Variants in ZDHHC11 observed in about 807,000 individuals in gnomAD.
ZDHHC11 encodes the protein palmitoyltransferase ZDHHC11.
ZDHHC11 carries 44 observed loss-of-function variants against 51.3 expected under a neutral mutation model. The ratio of observed to expected loss-of-function variants is 0.86; its 90% confidence interval spans 0.67 to 1.10. The LOEUF (loss-of-function observed/expected upper bound fraction) is 1.10. Among genes scored for constraint, ZDHHC11 ranks in the 50% least tolerant of loss-of-function variants. ZDHHC11 has a pLI of 0.00. For synonymous variants in ZDHHC11, 163 were observed against 222.0 expected (o/e 0.73, Z 2.36); for missense variants, 400 against 537.7 (o/e 0.74, Z 2.53).
At position 817,590 on chromosome 5, in the gene ZDHHC11, T is replaced by C. The variant is rs149674195; in HGVS notation, c.1146+1935A>G. On this transcript the variant is annotated intron_variant, in intron 10 of 12. Coordinates refer to ENST00000283441, the MANE Select transcript of ZDHHC11 (RefSeq NM_024786.3). ...TAAGAGGACAACTGTATATTTAGTA[T>C]TAAAAAAACATATTCTGTGAGTTTT... Among the ~76,000 whole-genome samples the C allele has an allele frequency of 4.0e-4, 61 of 151,478 alleles. 1 individual carries two copies. Among genetic ancestry groups the C allele is most frequent in the Non-Finnish European group, 7.2e-4 (49 of 67,654 alleles).
At chr5:848,837 G>T (rs1746675729) in intron 1 of ZDHHC11, among the ~76,000 whole-genome samples, 177 bp from the exon 2 acceptor site, 1 of 151,644 alleles carries the variant, frequency 6.6e-6, no homozygotes, top group African/African-American at 2.4e-5. Flanking sequence ...TGCACACCCA[G>T]CCCTGCACAA....
chr5:814,735 C>A, intron 11 of ZDHHC11, 26 bp downstream of exon 11: 1 of 1,545,344 alleles, frequency 6.5e-7, no homozygotes, highest in Non-Finnish European at 8.7e-7. Flanking sequence ...ACAGACAAAA[C>A]GTTCCCGTTA....
At chr5:842,034 GAGA>G in intron 4 of ZDHHC11, 15 of 986,698 alleles carry the variant, frequency 1.5e-5, no homozygotes, top group Non-Finnish European at 1.8e-5. Flanking sequence ...TTCAGCCCAT[GAGA>G]AGAAGGAGCA....
rs565548511 is a variant in ZDHHC11, at chr5:797,009, C to A, written c.*8-429G>T. Among the ~76,000 whole-genome samples the A allele has an allele frequency of 3.9e-4, 59 of 151,552 alleles. 1 individual carries two copies. The highest frequency in any genetic ancestry group is 1.4e-3 in the African/African-American group (58 of 41,356). On this transcript the variant is annotated intron_variant, in intron 12 of 12. Coordinates refer to ENST00000283441, the MANE Select transcript of ZDHHC11 (RefSeq NM_024786.3). Reference sequence around the variant, plus strand: ...GATCATGAGGTCAGGAGATCGAGACCTTCCTGGCTAATACAGTGAACCCCC... The same window carrying A: ...GATCATGAGGTCAGGAGATCGAGACATTCCTGGCTAATACAGTGAACCCCC...
intron 4 of ZDHHC11, chr5:841,348 G>GAGCC: frequency 1.1e-6 from 1 of 919,836 alleles, no homozygotes; most frequent in East Asian, 1.6e-4. Flanking sequence ...CGGGGTCACA[G>GAGCC]TGCCCACCCC....
intron 4 of ZDHHC11, 170 bp from the exon 5 acceptor site, chr5:840,820 C>A (rs1420770372): frequency 1.9e-5 from 28 of 1,485,626 alleles, no homozygotes; most frequent in Non-Finnish European, 2.4e-5. Context: ...CCCCGTAGGC[C>A]CTGCTGCCTT....
intron 3 of ZDHHC11, among the ~76,000 whole-genome samples, chr5:844,013 CATGCA>C (rs1745654428): frequency 3.5e-5 from 2 of 57,212 alleles, no homozygotes; most frequent in African/African-American, 1.7e-4. Flanking sequence ...GGGGCGGGGG[CATGCA>C]GGGCAGGTGT....
At chr5:812,917 A>G (rs1225068360) in intron 11 of ZDHHC11, among the ~76,000 whole-genome samples, 1 of 148,256 alleles carries the variant, frequency 6.7e-6, no homozygotes, top group African/African-American at 2.5e-5. Flanking sequence ...TGAAGAAATT[A>G]AAATTCAGGA....
Position 843,165 on chromosome 5 carries a change from C to G in ZDHHC11, c.628+435G>C, listed in dbSNP as rs539343668. Reference sequence around the variant, plus strand: ...GGGCCCACTTGGCCAAGGGCCTCAGCGCACCGCAGCCTACAGCCCAGCACC... The same window carrying G: ...GGGCCCACTTGGCCAAGGGCCTCAGGGCACCGCAGCCTACAGCCCAGCACC... On this transcript the variant is annotated intron_variant, in intron 4 of 12. Coordinates refer to ENST00000283441, the MANE Select transcript of ZDHHC11 (RefSeq NM_024786.3). Among the ~76,000 whole-genome samples the G allele has an allele frequency of 5.0e-4, 76 of 152,400 alleles. No individual in the cohort carries two copies. In the South Asian group the frequency reaches 0.013, roughly 26 times the overall value.
chr5:843,325 G>C, intron 4 of ZDHHC11: 3 of 567,888 alleles, frequency 5.3e-6, no homozygotes, highest in Non-Finnish European at 9.0e-6. Context: ...CAGGGGCAGA[G>C]GTGGACCCCA....
upstream of ZDHHC11, among the ~76,000 whole-genome samples, chr5:854,313 CA>C (rs1747797997): frequency 1.4e-5 from 2 of 144,172 alleles, no homozygotes; most frequent in South Asian, 4.5e-4. Context: ...GACAGCAAGC[CA>C]GGGGGACAGA....
intron 11 of ZDHHC11, among the ~76,000 whole-genome samples, chr5:809,413 A>G (rs396849): frequency 0.17 from 21,874 of 131,370 alleles, 3,528 homozygotes; most frequent in African/African-American, 0.41. Flanking sequence ...GTCAGCTCCC[A>G]AATGTGGGTC....
At chr5:846,267 C>A (rs374976005) in intron 3 of ZDHHC11, among the ~76,000 whole-genome samples, 2 of 151,198 alleles carry the variant, frequency 1.3e-5, no homozygotes, top group Non-Finnish European at 3.0e-5. Flanking sequence ...CCGCCCGGTG[C>A]GTCCTGTGAC....
chr5:845,628 C>T (rs1476061740), intron 3 of ZDHHC11, among the ~76,000 whole-genome samples: 1 of 152,048 alleles, frequency 6.6e-6, no homozygotes, highest in African/African-American at 2.4e-5. Flanking sequence ...GCTCTGCCAT[C>T]AGCTGGGCCT....
At chr5:820,414 T>A (rs1741416585) in intron 9 of ZDHHC11, among the ~76,000 whole-genome samples, 1 of 151,626 alleles carries the variant, frequency 6.6e-6, no homozygotes, top group Admixed American at 6.6e-5. Context: ...GCAGTTGTGA[T>A]CATTACCAAC....
At chr5:854,513 A>C, upstream of ZDHHC11, among the ~76,000 whole-genome samples, 1 of 138,304 alleles carries the variant, frequency 7.2e-6, no homozygotes. Flanking sequence ...AGCCGGGGGG[A>C]GAGACACCAT....
rs202155772 is a variant in ZDHHC11, at chr5:846,907, G to A, written c.503+607C>T. Among the ~76,000 whole-genome samples, 187 of 148,418 alleles carry A rather than the reference G, an allele frequency of 1.3e-3. No individual in the cohort carries two copies. In the East Asian group the frequency reaches 0.035, roughly 27 times the overall value. The stretch of plus-strand genomic sequence containing the variant: ...CAGTGGAAACACCTCTCATCCTTGC[G>A]CCTCCACCGTGCTCAGGGGAAAGAC... On this transcript the variant is annotated intron_variant, in intron 3 of 12. Transcript: ENST00000283441.
At chr5:827,705 G>A (rs182272958) in intron 7 of ZDHHC11, among the ~76,000 whole-genome samples, 69 of 150,562 alleles carry the variant, frequency 4.6e-4, no homozygotes, top group African/African-American at 1.6e-3. Flanking sequence ...ATATATGCAC[G>A]TAATGAGGGA....
At chr5:815,808 G>T (rs1740710057) in intron 10 of ZDHHC11, among the ~76,000 whole-genome samples, 1 of 151,484 alleles carries the variant, frequency 6.6e-6, no homozygotes, top group Non-Finnish European at 1.5e-5. Context: ...TTAAAGATAG[G>T]TTGCCCAGGC....
Sources: allele counts gnomAD v4.1 joint callset (sites outside exome capture counted in the v4.1 genomes callset), GRCh38; gene constraint gnomAD v4.1.1; transcripts MANE v1.5; gene names NCBI Gene and HGNC (gene_info 2026-07-23, HGNC 2026-07-21).